The following ARL2 variants were observed in gnomAD, a reference collection of about 807,000 sequenced individuals.
ARL2 encodes the protein ADP-ribosylation factor-like protein 2.
A neutral mutation model predicts 22.0 loss-of-function variants in ARL2; 11 were observed. The observed-to-expected ratio is 0.50, with a 90% CI of 0.31 to 0.83. The LOEUF (loss-of-function observed/expected upper bound fraction) is 0.83. Ranked by LOEUF, ARL2 falls within the 40% of genes least tolerant of loss-of-function variation. ARL2 has a pLI of 0.04. For missense variants in ARL2, 216 were observed against 243.2 expected (o/e 0.89, Z 0.74); for synonymous variants, 111 against 100.8 (o/e 1.10, Z -0.61).
chr11:65,019,093 TG>T, intron 3 of ARL2: 2 of 502,830 alleles, frequency 4.0e-6, no homozygotes, highest in Non-Finnish European at 6.5e-6. Context: ...TGACCTCAGC[TG>T]GGGGTGGTGG....
In ARL2 at chr11:65,020,413, C is replaced by T; in HGVS notation, c.340-6C>T. On this transcript the variant is annotated splice_polypyrimidine_tract_variant and splice_region_variant and intron_variant, in intron 3 of 4. Transcript: ENST00000246747. ...CCACCCCACCCCTCTATCTTTTCTC[C>T]CCCAGCGCCTGGCCGGAGCAACCCT... The T allele has an allele frequency of 6.2e-7, 1 of 1,611,520 alleles. No individual in the cohort carries two copies. The highest frequency in any genetic ancestry group is 8.5e-7 in the Non-Finnish European group (1 of 1,178,712).
At position 65,022,066 on chromosome 11, in the gene ARL2, G is replaced by A. The variant is rs1946335934; in HGVS notation, c.*211G>A. On this transcript the variant is annotated 3_prime_UTR_variant, in exon 5 of 5. Transcript: ENST00000246747. The stretch of plus-strand genomic sequence containing the variant: ...TGGCTGTCTCTCTGGCTCCTGACCT[G>A]GCCTTTGGCTACCATACCAAGAAGA... The A allele has an allele frequency of 1.5e-6, 1 of 662,080 alleles. No homozygotes were observed. The highest frequency in any genetic ancestry group is 2.9e-5 in the East Asian group (1 of 35,020). 41.0% of individuals were successfully genotyped at this position (662,080 alleles called of 1,614,324 possible). A position where few individuals can be genotyped will look rare whatever the true frequency, so the allele number is the denominator to read the frequency against.
Position 65,017,266 on chromosome 11 carries a change from G to A in ARL2, c.66-1098G>A, listed in dbSNP as rs531429409. Among the ~76,000 whole-genome samples the A allele has an allele frequency of 1.9e-4, 29 of 151,668 alleles. No homozygotes were observed. The South Asian group carries it at 5.0e-3, about 26-fold the overall frequency. On this transcript the variant is annotated intron_variant, in intron 1 of 4. Coordinates refer to ENST00000246747, the MANE Select transcript of ARL2 (RefSeq NM_001667.4). ...GCTGGAGTACAGTGGTGTGATCTCG[G>A]CTCATTGCAACCTCTGCCTGCCGGG...
At chr11:65,017,001 G>C (rs1205989510) in intron 1 of ARL2, among the ~76,000 whole-genome samples, 1 of 152,104 alleles carries the variant, frequency 6.6e-6, no homozygotes, top group Non-Finnish European at 1.5e-5. Flanking sequence ...GGGCCACAGG[G>C]AGGTCTTTGG....
rs781075124 is a variant in ARL2 at position 65,021,706 on chromosome 11, C to A, written c.421-15C>A. On this transcript the variant is annotated splice_polypyrimidine_tract_variant and intron_variant, in intron 4 of 4. Transcript: ENST00000246747. The stretch of plus-strand genomic sequence containing the variant: ...CAGTCACTGGCCACCACCATCAGCA[C>A]CTTTGTCCTCCCAGGTCCTGGAGCT... The A allele has an allele frequency of 6.3e-7, 1 of 1,590,586 alleles. No individual in the cohort carries two copies. Among genetic ancestry groups the A allele is most frequent in the South Asian group, 1.1e-5 (1 of 90,316 alleles).
At chr11:65,020,631 G>A (rs1946316634) in intron 4 of ARL2, 132 bp downstream of exon 4, 4 of 900,966 alleles carry the variant, frequency 4.4e-6, no homozygotes, top group Non-Finnish European at 6.6e-6. Flanking sequence ...CACTTTGGGA[G>A]GCCAAGGCGA....
Position 65,018,260 on chromosome 11 carries a change from C to G in ARL2, c.66-104C>G, listed in dbSNP as rs1946282072. ...ATTATGGTCAGGCATGTGCTCAACT[C>G]AGTTTGATACATGGTGGGAAATAAT... On this transcript the variant is annotated intron_variant, in intron 1 of 4. Transcript: ENST00000246747. The surrounding 1 kb of genome is among the most constrained non-coding windows in gnomAD (Gnocchi z 4.2). 1.4e-5 allele frequency: 12 copies of G among 875,090 alleles called. No individual in the cohort carries two copies. Among genetic ancestry groups the G allele is most frequent in the Non-Finnish European group, 2.1e-5 (12 of 565,674 alleles). 54.2% of individuals were successfully genotyped at this position (875,090 alleles called of 1,614,324 possible).
At position 65,018,718 on chromosome 11, in the gene ARL2, C is replaced by T. The variant is rs554217695; in HGVS notation, c.324C>T (p.Ser108=). The T allele has an allele frequency of 2.5e-6, 4 of 1,614,016 alleles. No homozygotes were observed. The highest frequency in any genetic ancestry group is 3.3e-5 in the Admixed American group (2 of 60,012). ...AGGACTGCCAGCGGGAGCTCCAGAG[C>T]CTGCTGGTGGAGGAGGTGGGCAGCT... ...RMQDCQRELQ[S]LLVEERLAGA... is the part of the protein sequence containing the mutation. The change falls in exon 3 of 5, where the codon AGC becomes AGT. Residue 108 remains serine, a synonymous_variant. Transcript: ENST00000246747. This position sits in a 1 kb window ranked among gnomAD's most constrained non-coding sequence, Gnocchi z 4.2.
chr11:65,018,301 C>T lies in ARL2; in HGVS notation c.66-63C>T. The T allele has an allele frequency of 3.6e-6, 5 of 1,388,438 alleles. No individual in the cohort carries two copies. Among genetic ancestry groups the T allele is most frequent in the South Asian group, 2.5e-5 (2 of 79,026 alleles). The allele number at this position is 1,388,438 out of a possible 1,614,324, so 86.0% of individuals were successfully genotyped here. A position where few individuals can be genotyped will look rare whatever the true frequency, so the allele number is the denominator to read the frequency against. ...GGGAAATAATGAGTCCCCTAAGGGGCTCTGCAACAATGTCACCACCTGGCA... is the reference window on the plus strand; with the variant it reads ...GGGAAATAATGAGTCCCCTAAGGGGTTCTGCAACAATGTCACCACCTGGCA... On this transcript the variant is annotated intron_variant, in intron 1 of 4. Transcript: ENST00000246747. This position sits in a 1 kb window ranked among gnomAD's most constrained non-coding sequence, Gnocchi z 4.2.
intron 1 of ARL2, among the ~76,000 whole-genome samples, chr11:65,015,786 C>G (rs571048783): frequency 6.6e-6 from 1 of 151,794 alleles, no homozygotes; most frequent in Non-Finnish European, 1.5e-5. Context: ...TCCATACATA[C>G]TATATATATA....
intron 3 of ARL2, 98 bp from the exon 4 acceptor site, chr11:65,020,321 C>A: frequency 1.9e-6 from 2 of 1,036,762 alleles, no homozygotes; most frequent in South Asian, 1.4e-5. Flanking sequence ...CCTTGATCTT[C>A]CAGGTCGATC....
intron 4 of ARL2, 40 bp from the exon 5 acceptor site, chr11:65,021,681 C>T: frequency 1.3e-6 from 2 of 1,566,452 alleles, no homozygotes; most frequent in Non-Finnish European, 1.7e-6. Context: ...GCAGGGTCTG[C>T]AGTCACTGGC....
At chr11:65,014,619 C>G (rs1334939558) in intron 1 of ARL2, among the ~76,000 whole-genome samples, 2 of 152,228 alleles carry the variant, frequency 1.3e-5, no homozygotes, top group African/African-American at 4.8e-5. Context: ...TCTCCTCCCC[C>G]GGGCCCGAGG....
At chr11:65,017,691 C>T (rs115785850) in intron 1 of ARL2, among the ~76,000 whole-genome samples, 2 of 152,264 alleles carry the variant, frequency 1.3e-5, no homozygotes, top group South Asian at 4.1e-4. Flanking sequence ...GCCCCAGCTC[C>T]GATGAGCAGG....
At chr11:65,020,872 A>T (rs78795591) in intron 4 of ARL2, among the ~76,000 whole-genome samples, 1 of 147,586 alleles carries the variant, frequency 6.8e-6, no homozygotes, top group Admixed American at 6.7e-5. Context: ...TTCGTCTCAA[A>T]AAAAAAAAAA....
At chr11:65,015,472 T>C in intron 1 of ARL2, among the ~76,000 whole-genome samples, 1 of 152,164 alleles carries the variant, frequency 6.6e-6, no homozygotes, top group East Asian at 1.9e-4. Flanking sequence ...ATTTGATAAA[T>C]ATTGAGTGCC....
chr11:65,019,002 C>CT, intron 3 of ARL2: 1 of 1,372,098 alleles, frequency 7.3e-7, no homozygotes, highest in Non-Finnish European at 9.7e-7. Context: ...CATCACTGGG[C>CT]TTTAGGGAGG....
At chr11:65,015,615 GAAGT>G in intron 1 of ARL2, among the ~76,000 whole-genome samples, 1 of 152,118 alleles carries the variant, frequency 6.6e-6, no homozygotes, top group East Asian at 1.9e-4. Context: ...GATAACACAG[GAAGT>G]AAGTAAAATA....
At chr11:65,020,235 C>T (rs1946311009) in intron 3 of ARL2, among the ~76,000 whole-genome samples, 184 bp from the exon 4 acceptor site, 1 of 152,186 alleles carries the variant, frequency 6.6e-6, no homozygotes, top group South Asian at 2.1e-4. Context: ...CAGGGCTGCT[C>T]CATTCATGTG....
Sources: gnomAD v4.1 joint callset for allele counts (sites outside exome capture counted in the v4.1 genomes callset) on GRCh38, gnomAD v4.1.1 for gene constraint, Gnocchi (gnomAD v3.1) non-coding constraint, MANE v1.5 for transcripts, NCBI Gene and HGNC (gene_info 2026-07-23, HGNC 2026-07-21) for gene names.